The following ANK2 variants were observed in gnomAD, a reference collection of about 807,000 sequenced individuals.
The protein encoded by ANK2 is ankyrin-2.
ANK2 carries 83 observed loss-of-function variants against 360.5 expected under a neutral mutation model. That is an observed-to-expected ratio of 0.23 (90% CI 0.19 to 0.28). ANK2 has a LOEUF of 0.28. Among genes scored for constraint, ANK2 ranks in the 10% least tolerant of loss-of-function variants. The pLI, the probability that ANK2 is intolerant of heterozygous loss-of-function variation, is 1.00. For missense variants in ANK2, 4,201 were observed against 4,795.7 expected (o/e 0.88, Z 3.66); for synonymous variants, 1,740 against 1,759.5 (o/e 0.99, Z 0.28).
intron 1 of ANK2, among the ~76,000 whole-genome samples, chr4:113,145,239 A>G (rs1216317622): frequency 6.6e-6 from 1 of 152,200 alleles, no homozygotes; most frequent in Non-Finnish European, 1.5e-5. Flanking sequence ...TGTTAAAAGA[A>G]CGGTAAAAGG....
At chr4:112,820,211 C>T (rs1334372161) in intron 1 of ANK2, among the ~76,000 whole-genome samples, 1 of 152,232 alleles carries the variant, frequency 6.6e-6, no homozygotes, top group East Asian at 1.9e-4. Context: ...TTTATCATCA[C>T]ATTAGGCTAG....
intron 11 of ANK2, 35 bp from the exon 12 acceptor site, chr4:113,258,014 GC>G (rs1458550687): frequency 6.4e-7 from 1 of 1,558,660 alleles, no homozygotes; most frequent in Non-Finnish European, 8.9e-7. Flanking sequence ...AATTGTTTCT[GC>G]ATGTTTTCAA....
chr4:113,166,733 A>C (rs934447755), intron 1 of ANK2, among the ~76,000 whole-genome samples: 4 of 152,096 alleles, frequency 2.6e-5, no homozygotes, highest in Non-Finnish European at 5.9e-5. Context: ...TTAATGTATA[A>C]AATTGTCTCT....
chr4:113,138,621 G>A (rs2096530639), intron 1 of ANK2, among the ~76,000 whole-genome samples: 1 of 152,176 alleles, frequency 6.6e-6, no homozygotes, highest in African/African-American at 2.4e-5. Flanking sequence ...TGTCATATGT[G>A]TGTATTTTGT....
chr4:113,374,795 G>C, intron 45 of ANK2: 1 of 1,212,174 alleles, frequency 8.2e-7, no homozygotes, highest in Non-Finnish European at 1.1e-6. Context: ...ATTTTGTCCA[G>C]TACCTCACAA....
intron 24 of ANK2, 82 bp from the exon 25 acceptor site, chr4:113,317,625 T>G: frequency 1.9e-6 from 2 of 1,078,228 alleles, no homozygotes; most frequent in South Asian, 2.6e-5. Flanking sequence ...CTTTTTTCAC[T>G]CTCCTGCTCG....
intron 4 of ANK2, among the ~76,000 whole-genome samples, chr4:113,207,906 G>T (rs2098973346): frequency 6.6e-6 from 1 of 152,144 alleles, no homozygotes; most frequent in Non-Finnish European, 1.5e-5. Context: ...TTTTATAAAA[G>T]AAAGTGTTAA....
chr4:113,024,098 A>C (rs569158928), intron 2 of ANK2, among the ~76,000 whole-genome samples: 1 of 152,280 alleles, frequency 6.6e-6, no homozygotes, highest in East Asian at 1.9e-4. Context: ...GTTCATTAGC[A>C]CAGTACATAG....
At chr4:113,349,606 T>A (rs2095262948) in intron 36 of ANK2, among the ~76,000 whole-genome samples, 1 of 152,168 alleles carries the variant, frequency 6.6e-6, no homozygotes, top group Non-Finnish European at 1.5e-5. Flanking sequence ...GCACAGTCAC[T>A]CTTTGCTTCA....
the ANK2 span, among the ~76,000 whole-genome samples, chr4:112,805,811 G>A: frequency 1.3e-5 from 2 of 152,086 alleles, no homozygotes; most frequent in East Asian, 1.9e-4. Flanking sequence ...TCCTGACCTC[G>A]TGATCCACCT....
chr4:113,127,782 A>G (rs1311438699), intron 1 of ANK2, among the ~76,000 whole-genome samples: 3 of 152,236 alleles, frequency 2.0e-5, no homozygotes, highest in East Asian at 1.9e-4. Flanking sequence ...AAGAAAGACT[A>G]TGAGGGGGAA....
At chr4:113,120,007 G>C (rs895262402) in intron 1 of ANK2, among the ~76,000 whole-genome samples, 1 of 152,124 alleles carries the variant, frequency 6.6e-6, no homozygotes, top group Non-Finnish European at 1.5e-5. Flanking sequence ...AGTTGCCAGT[G>C]GTGTTGTATT....
intron 2 of ANK2, among the ~76,000 whole-genome samples, chr4:113,017,549 C>T (rs1474253802): frequency 6.6e-6 from 1 of 152,208 alleles, no homozygotes; most frequent in Non-Finnish European, 1.5e-5. Flanking sequence ...ATTTAGTCAA[C>T]TGACTCTCCC....
chr4:113,227,803 T>C (rs1262742382), intron 4 of ANK2, among the ~76,000 whole-genome samples: 1 of 152,208 alleles, frequency 6.6e-6, no homozygotes, highest in Non-Finnish European at 1.5e-5. Flanking sequence ...AGGATAATAG[T>C]ACAAATGTTG....
chr4:113,196,252 A>C lies in ANK2; in HGVS notation c.187-116A>C. 3.9e-6 allele frequency: 3 copies of C among 764,376 alleles called. No homozygotes were observed. The South Asian group carries it at 4.9e-5, about 12-fold the overall frequency. 47.3% of individuals were successfully genotyped at this position (764,376 alleles called of 1,614,324 possible). On this transcript the variant is annotated intron_variant, in intron 2 of 45. Transcript: ENST00000357077. ...GATTCAAGATTCTAATGCAAAAAGG[A>C]AAAAAAAGAAGAGATCAGAGTCTGT... is the stretch of plus-strand genomic sequence containing the variant.
chr4:113,099,988 A>G (rs529809919), intron 1 of ANK2, among the ~76,000 whole-genome samples: 1 of 152,234 alleles, frequency 6.6e-6, no homozygotes, highest in Non-Finnish European at 1.5e-5. Context: ...ATGGATCAAG[A>G]GTTAAATGTA....
At chr4:113,195,350 C>T (rs2098732512) in intron 2 of ANK2, among the ~76,000 whole-genome samples, 1 of 151,922 alleles carries the variant, frequency 6.6e-6, no homozygotes, top group Non-Finnish European at 1.5e-5. Flanking sequence ...TCTTTTTTTA[C>T]ATTCTGAGTA....
intron 2 of ANK2, among the ~76,000 whole-genome samples, chr4:113,003,579 T>C (rs2051602290): frequency 6.6e-6 from 1 of 152,180 alleles, no homozygotes; most frequent in African/African-American, 2.4e-5. Flanking sequence ...AGAAATAAAC[T>C]GGATACATAT....
At chr4:113,008,949 G>C (rs912793468) in intron 2 of ANK2, among the ~76,000 whole-genome samples, 1 of 152,136 alleles carries the variant, frequency 6.6e-6, no homozygotes, top group Non-Finnish European at 1.5e-5. Context: ...TGCAGCTGCT[G>C]ATCAGCTGCT....
Sources: allele counts gnomAD v4.1 joint callset (sites outside exome capture counted in the v4.1 genomes callset), GRCh38; gene constraint gnomAD v4.1.1; transcripts MANE v1.5; gene names NCBI Gene and HGNC (gene_info 2026-07-23, HGNC 2026-07-21).